Variants in NRF1 observed in about 807,000 individuals in gnomAD.
The protein encoded by NRF1 is nuclear respiratory factor 1, also known as alpha palindromic-binding protein.
A neutral mutation model predicts 58.5 loss-of-function variants in NRF1; 5 were observed. The ratio of observed to expected loss-of-function variants is 0.09; its 90% CI spans 0.04 to 0.18. NRF1 has a LOEUF of 0.18. NRF1 is among the 10% of genes least tolerant of loss of function. The pLI, the probability that NRF1 is intolerant of heterozygous loss-of-function variation, is 1.00. For missense variants in NRF1, 288 were observed against 657.7 expected, an observed-to-expected ratio of 0.44 and a Z score of 6.15; for synonymous variants, 224 against 246.7, an observed-to-expected ratio of 0.91 and a Z score of 0.86.
chr7:129,747,785 A>C (rs1197745524), intron 10 of NRF1, among the ~76,000 whole-genome samples: 1 of 152,206 alleles, frequency 6.6e-6, no homozygotes, highest in African/African-American at 2.4e-5. Flanking sequence ...CTGCAGCACC[A>C]TGAGAATGGT....
intron 1 of NRF1, among the ~76,000 whole-genome samples, chr7:129,615,970 A>G (rs1324555848): frequency 6.6e-6 from 1 of 152,232 alleles, no homozygotes; most frequent in Non-Finnish European, 1.5e-5. Flanking sequence ...ATTTTAGTGC[A>G]ATATGGACAA....
At chr7:129,625,389 A>AG (rs1178572526) in intron 1 of NRF1, among the ~76,000 whole-genome samples, 1 of 152,226 alleles carries the variant, frequency 6.6e-6, no homozygotes, top group Non-Finnish European at 1.5e-5. Context: ...AACCCACTAT[A>AG]GGAGCTCTGG....
intron 1 of NRF1, among the ~76,000 whole-genome samples, chr7:129,655,773 C>T (rs1428974971): frequency 1.3e-5 from 2 of 152,158 alleles, no homozygotes; most frequent in Admixed American, 1.3e-4. Flanking sequence ...ACACCTGCCT[C>T]GGCCTCCCAA....
At chr7:129,744,130 C>CT (rs35034726) in intron 10 of NRF1, 64,543 of 1,205,996 alleles carry the variant, frequency 0.054, 73 homozygotes, top group African/African-American at 0.068. Flanking sequence ...TTGCCCGGTG[C>CT]TTTTTTTTTT....
chr7:129,665,627 T>G (rs1331458160), intron 2 of NRF1, among the ~76,000 whole-genome samples: 1 of 152,144 alleles, frequency 6.6e-6, no homozygotes, highest in Non-Finnish European at 1.5e-5. Flanking sequence ...GTTGTTGTTG[T>G]TGTTGGTTTT....
intron 10 of NRF1, among the ~76,000 whole-genome samples, chr7:129,742,993 C>G (rs1271181532): frequency 2.0e-5 from 3 of 152,118 alleles, no homozygotes; most frequent in Non-Finnish European, 2.9e-5. Flanking sequence ...TGAAATGCCT[C>G]GGCTGCTTAA....
Position 129,677,956 on chromosome 7 carries a change from G to A in NRF1, c.465+198G>A, listed in dbSNP as rs59347659. Among the ~76,000 whole-genome samples, 1,043 of 137,632 alleles carry A rather than the reference G, an allele frequency of 7.6e-3. 15 individuals are homozygous for A. The highest frequency in any genetic ancestry group is 0.026 in the African/African-American group (994 of 38,840). 90.3% of individuals were successfully genotyped at this position (137,632 alleles called of 152,430 possible). On this transcript the variant is annotated intron_variant, in intron 4 of 10. Transcript: ENST00000393232. ...TACTCTTTTTACTTCCTACGTCAAG[G>A]TATTTTACCTCCCCAGATGCAATGG...
intron 1 of NRF1, among the ~76,000 whole-genome samples, chr7:129,631,695 C>A (rs1397655247): frequency 1.3e-5 from 2 of 152,066 alleles, no homozygotes; most frequent in African/African-American, 2.4e-5. Context: ...CTGGGAAATA[C>A]CAGTCAGAAA....
chr7:129,684,382 C>T (rs1802399168), intron 4 of NRF1, among the ~76,000 whole-genome samples: 2 of 152,182 alleles, frequency 1.3e-5, no homozygotes, highest in Admixed American at 1.3e-4. Context: ...TCTGTTCTTG[C>T]AAGTTAAAAT....
intron 2 of NRF1, among the ~76,000 whole-genome samples, chr7:129,660,857 G>C (rs916272444): frequency 6.6e-6 from 1 of 150,992 alleles, no homozygotes; most frequent in African/African-American, 2.5e-5. Context: ...CCCCCGAAGG[G>C]ACTCTGTGTG....
intron 4 of NRF1, among the ~76,000 whole-genome samples, chr7:129,690,072 A>C (rs990263437): frequency 6.6e-6 from 1 of 152,232 alleles, no homozygotes; most frequent in African/African-American, 2.4e-5. Context: ...TGGGAAATGC[A>C]GAACCATGAA....
At chr7:129,717,991 C>T (rs938263244) in intron 9 of NRF1, among the ~76,000 whole-genome samples, 6 of 152,100 alleles carry the variant, frequency 3.9e-5, no homozygotes, top group Non-Finnish European at 5.9e-5. Context: ...TGCTTATCAG[C>T]GAGCTCAAGA....
intron 1 of NRF1, among the ~76,000 whole-genome samples, chr7:129,619,433 T>TATAC (rs1554401492): frequency 1.3e-3 from 83 of 65,842 alleles, no homozygotes; most frequent in African/African-American, 2.8e-3. Flanking sequence ...TATATATATA[T>TATAC]ACACACACAC....
chr7:129,686,508 C>G (rs542875055), intron 4 of NRF1, among the ~76,000 whole-genome samples: 1 of 152,182 alleles, frequency 6.6e-6, no homozygotes, highest in African/African-American at 2.4e-5. Flanking sequence ...ACACTTCTTA[C>G]TAGTTAATAT....
chr7:129,627,963 C>T (rs1406033714), intron 1 of NRF1, among the ~76,000 whole-genome samples: 1 of 151,210 alleles, frequency 6.6e-6, no homozygotes, highest in African/African-American at 2.4e-5. Context: ...AGGACTCTGG[C>T]AATCATCACA....
At chr7:129,744,132 T>TTTTA (rs1290232906) in intron 10 of NRF1, 1 of 602,812 alleles carries the variant, frequency 1.7e-6, no homozygotes. Context: ...GCCCGGTGCT[T>TTTTA]TTTTTTTTTT....
chr7:129,665,023 A>G (rs1165343945), intron 2 of NRF1, among the ~76,000 whole-genome samples: 1 of 152,236 alleles, frequency 6.6e-6, no homozygotes, highest in Non-Finnish European at 1.5e-5. Context: ...CGGGAAGGTA[A>G]TGGAGAGAGA....
chr7:129,715,438 G>T (rs532473905), intron 8 of NRF1, among the ~76,000 whole-genome samples: 1 of 152,280 alleles, frequency 6.6e-6, no homozygotes, highest in South Asian at 2.1e-4. Flanking sequence ...GTTTTTTGCT[G>T]TGGGCAGTGG....
chr7:129,740,295 CT>C (rs530554437), intron 10 of NRF1, among the ~76,000 whole-genome samples: 20 of 152,210 alleles, frequency 1.3e-4, no homozygotes, highest in Admixed American at 8.5e-4. Context: ...TTGACTACCA[CT>C]GCTACAACTG....
Sources: gnomAD v4.1 joint callset for allele counts (sites outside exome capture counted in the v4.1 genomes callset) on GRCh38, gnomAD v4.1.1 for gene constraint, MANE v1.5 for transcripts, NCBI Gene and HGNC (gene_info 2026-07-23, HGNC 2026-07-21) for gene names.